The following KDM5D variants were observed in gnomAD, a reference collection of about 807,000 sequenced individuals.
The protein encoded by KDM5D is lysine demethylase 5D.
KDM5D carries 25 observed loss-of-function variants against 31.9 expected under a neutral mutation model. The ratio of observed to expected loss-of-function variants is 0.78; its 90% CI spans 0.57 to 1.09. The LOEUF is 1.09. Among genes scored for constraint, KDM5D ranks in the 50% least tolerant of loss-of-function variants. KDM5D has a pLI of 0.00. For synonymous variants in KDM5D, 146 were observed against 122.3 expected, an observed-to-expected ratio of 1.19 and a Z score of -1.28; for missense variants, 366 against 341.6, an observed-to-expected ratio of 1.07 and a Z score of -0.56.
chrY:19,743,735 A>T, intron 2 of KDM5D, among the ~76,000 whole-genome samples: 1 of 34,100 alleles, frequency 2.9e-5, no homozygotes, highest in African/African-American at 1.1e-4. Flanking sequence ...CTGGTTCAAT[A>T]TATGAGAAAA....
intron 11 of KDM5D, among the ~76,000 whole-genome samples, chrY:19,728,507 C>T (rs1603545935): frequency 3.1e-5 from 1 of 32,077 alleles, no homozygotes; most frequent in Admixed American, 2.9e-4. Flanking sequence ...TACAGGTGCC[C>T]GCCACCACGC....
intron 3 of KDM5D, 54 bp from the exon 4 acceptor site, chrY:19,741,911 G>A: frequency 1.7e-5 from 5 of 293,283 alleles, no homozygotes; most frequent in South Asian, 4.0e-5. Context: ...TGACTTCATC[G>A]AGTATGCAGT....
At chrY:19,722,153 A>G in intron 11 of KDM5D, 1 of 33,766 alleles carries the variant, frequency 3.0e-5, no homozygotes, top group African/African-American at 1.2e-4. Flanking sequence ...TATAGTAACT[A>G]AAAGGGCTTA....
At chrY:19,706,383 C>A (rs2045231662) in intron 26 of KDM5D, 38 bp from the exon 27 acceptor site, 19 of 383,080 alleles carry the variant, frequency 5.0e-5, no homozygotes, top group African/African-American at 6.6e-5. Context: ...AACGTCAGTA[C>A]TGGGATCCCT....
chrY:19,740,107 G>A (rs2045537397), intron 5 of KDM5D, among the ~76,000 whole-genome samples: 4 of 32,539 alleles, frequency 1.2e-4, no homozygotes, highest in Non-Finnish European at 2.3e-4. Context: ...ACCCTGTCTC[G>A]GTAAAATACA....
Position 19,731,867 on chromosome Y carries a change from C to T in KDM5D, c.1276G>A (p.Val426Met), listed in dbSNP as rs2032618. The T allele has an allele frequency of 1.5e-5, 6 of 396,955 alleles. No homozygotes were observed. The highest frequency in any genetic ancestry group is 1.5e-4 in the South Asian group (5 of 33,753). The change falls in exon 11 of 27, where the codon GTG becomes ATG. Residue 426 changes from valine to methionine, a missense_variant. Coordinates refer to ENST00000317961, the MANE Select transcript of KDM5D (RefSeq NM_004653.5). ...WRLVSSIEED[V>M]TVEYGADIHS... ...ATATCAGCTCCATATTCAACTGTCA[C>T]GTCTTCCTCAATGCTGCTCACCAGC...
At chrY:19,711,495 A>G in intron 18 of KDM5D, among the ~76,000 whole-genome samples, 1 of 31,518 alleles carries the variant, frequency 3.2e-5, no homozygotes, top group Non-Finnish European at 7.6e-5. Flanking sequence ...CCTGGCTAAC[A>G]TGGTGAAACC....
At chrY:19,725,699 G>C in intron 11 of KDM5D, among the ~76,000 whole-genome samples, 1 of 33,000 alleles carries the variant, frequency 3.0e-5, no homozygotes, top group Non-Finnish European at 7.4e-5. Flanking sequence ...TTAACAAATG[G>C]GATCTAATTA....
At chrY:19,741,515 G>A (rs1307977829) in intron 4 of KDM5D, 27 bp from the exon 5 acceptor site, 1 of 332,135 alleles carries the variant, frequency 3.0e-6, no homozygotes, top group Non-Finnish European at 4.4e-6. Flanking sequence ...CAATATGGAT[G>A]AACTGTGAAC....
Position 19,731,769 on chromosome Y carries a change from T to C in KDM5D, c.1371+3A>G. 2.5e-6 allele frequency: 1 copy of C among 393,478 alleles called. No homozygotes were observed. Among genetic ancestry groups the C allele is most frequent in the Non-Finnish European group, 3.6e-6 (1 of 278,806 alleles). On this transcript the variant is annotated splice_donor_region_variant and intron_variant, in intron 11 of 26. Transcript: ENST00000317961. ...TGTTAACATGAACTACCAACCGTAT[T>C]ACCTTCTCCTCAGGAGATAAGTTTT...
chrY:19,743,680 A>G (rs774197902), intron 2 of KDM5D, among the ~76,000 whole-genome samples: 1 of 33,835 alleles, frequency 3.0e-5, no homozygotes, highest in South Asian at 6.6e-4. Context: ...GTTTAATTGC[A>G]AATGCTGAGA....
rs2045216707 is a variant in KDM5D, at chrY:19,703,957, T to C, written c.*2038A>G. ...ATCGCAGAGAACACTGAATGGCCTA[T>C]GAAATTCAATTTTTGCTGCAGATTT... On this transcript the variant is annotated 3_prime_UTR_variant, in exon 27 of 27. Coordinates refer to ENST00000317961, the MANE Select transcript of KDM5D (RefSeq NM_004653.5). The C allele has an allele frequency of 8.8e-5, 3 of 34,141 alleles. No individual in the cohort carries two copies. The highest frequency in any genetic ancestry group is 1.1e-4 in the African/African-American group (1 of 8,750). The allele number at this position is 34,141 out of a possible 400,897, so 8.5% of individuals were successfully genotyped here.
At chrY:19,741,684 T>C in intron 4 of KDM5D, 51 bp downstream of exon 4, 3 of 359,256 alleles carry the variant, frequency 8.4e-6, no homozygotes, top group Non-Finnish European at 1.2e-5. Flanking sequence ...CCACAGAAGA[T>C]CCTTGAGGCA....
At chrY:19,719,900 A>C in intron 13 of KDM5D, among the ~76,000 whole-genome samples, 1 of 33,295 alleles carries the variant, frequency 3.0e-5, no homozygotes, top group Admixed American at 2.7e-4. Flanking sequence ...AAAGTCATGC[A>C]ATGGGAAAAA....
chrY:19,721,403 G>T, intron 11 of KDM5D, 92 bp from the exon 12 acceptor site: 1 of 191,871 alleles, frequency 5.2e-6, no homozygotes, highest in East Asian at 1.0e-4. Context: ...AGACAACTGT[G>T]TCTTAGAACA....
At chrY:19,718,882 T>C (rs920142183) in intron 13 of KDM5D, among the ~76,000 whole-genome samples, 2 of 34,134 alleles carry the variant, frequency 5.9e-5, no homozygotes, top group African/African-American at 1.1e-4. Context: ...AAAAGAAGTA[T>C]AGCCCTGGCC....
At chrY:19,717,937 A>T in intron 13 of KDM5D, among the ~76,000 whole-genome samples, 7 of 34,123 alleles carry the variant, frequency 2.1e-4, no homozygotes, top group Admixed American at 1.3e-3. Context: ...CTAAAAGATT[A>T]CTCACGTATA....
At position 19,716,401 on chromosome Y, in the gene KDM5D, G is replaced by A; in HGVS notation, c.1909C>T (p.Leu637Phe). 2.5e-6 allele frequency: 1 copy of A among 399,189 alleles called. No homozygotes were observed. The highest frequency in any genetic ancestry group is 3.5e-6 in the Non-Finnish European group (1 of 283,483). Residue 637 changes from leucine (L) to phenylalanine (F), a missense_variant, in exon 15 of 27, where the codon CTC (leucine) becomes TTC (phenylalanine). Leu to Phe is a conservative substitution (Grantham distance 22, BLOSUM62 0). Coordinates refer to ENST00000317961, the MANE Select transcript of KDM5D (RefSeq NM_004653.5). ...RRYCVFSHEE[L>F]ICKMAAFPET... The stretch of plus-strand genomic sequence containing the variant: ...GGGAAGGCAGCCATCTTGCAGATGA[G>A]CTCCTCGTGGGAGAAGACACAATAG...
intron 13 of KDM5D, 93 bp downstream of exon 13, chrY:19,720,779 A>T: frequency 4.0e-6 from 1 of 252,335 alleles, no homozygotes; most frequent in Non-Finnish European, 6.5e-6. Flanking sequence ...AGCAAAATGG[A>T]TATGGTTTTA....
Sources: gnomAD v4.1 joint callset for allele counts (sites outside exome capture counted in the v4.1 genomes callset) on GRCh38, gnomAD v4.1.1 for gene constraint, MANE v1.5 for transcripts, NCBI Gene and HGNC (gene_info 2026-07-23, HGNC 2026-07-21) for gene names.